Variants in RABGGTB observed in about 807,000 individuals in gnomAD.
RABGGTB encodes geranylgeranyl transferase type-2 subunit beta.
In RABGGTB, 20 loss-of-function variants were observed where a neutral mutation model predicts 44.5. That is an observed-to-expected ratio of 0.45 (90% CI 0.32 to 0.65). RABGGTB has a LOEUF of 0.65. RABGGTB is among the 30% of genes least tolerant of loss of function. The pLI, the probability that RABGGTB is intolerant of heterozygous loss-of-function variation, is 0.05. For synonymous variants in RABGGTB, 128 were observed against 136.7 expected, an observed-to-expected ratio of 0.94 and a Z score of 0.44; for missense variants, 302 against 398.7, an observed-to-expected ratio of 0.76 and a Z score of 2.06.
At chr1:75,790,089 A>G (rs1649609485) in intron 4 of RABGGTB, 32 bp downstream of exon 4, 4 of 1,607,840 alleles carry the variant, frequency 2.5e-6, no homozygotes, top group Non-Finnish European at 2.5e-6. Flanking sequence ...TCTACCCAAA[A>G]TACCAATATT....
intron 2 of RABGGTB, 102 bp downstream of exon 2, chr1:75,787,706 G>A: frequency 1.1e-6 from 1 of 904,904 alleles, no homozygotes; most frequent in African/African-American, 1.7e-5. Flanking sequence ...CCAACTCCAT[G>A]CAGAGAACTG....
Position 75,791,316 on chromosome 1 carries a change from G to A in RABGGTB, c.447G>A (p.Ala149=), listed in dbSNP as rs754028920. ...TTGACACAAGATTCTCTTTTTGTGC[G>A]GTGGCAACTTTGGCTTTGTTGGTAA... ...GEIDTRFSFC[A]VATLALLGKL... is the part of the protein sequence containing the mutation. The change falls in exon 5 of 9, where the codon GCG becomes GCA. Residue 149 remains alanine, a synonymous_variant. Transcript: ENST00000319942. 18 of 1,610,598 alleles carry A rather than the reference G, an allele frequency of 1.1e-5. No individual in the cohort carries two copies. The highest frequency in any genetic ancestry group is 4.4e-5 in the South Asian group (4 of 91,004).
chr1:75,792,128 C>CTT, intron 6 of RABGGTB, 53 bp from the exon 7 acceptor site: 2 of 1,495,000 alleles, frequency 1.3e-6, no homozygotes, highest in South Asian at 2.4e-5. Context: ...AGTTTTATCA[C>CTT]TTTTAATGTC....
At position 75,794,139 on chromosome 1, in the gene RABGGTB, G is replaced by A; in HGVS notation, c.761G>A (p.Arg254Lys). 6.2e-7 allele frequency: 1 copy of A among 1,613,862 alleles called. No homozygotes were observed. Among genetic ancestry groups the A allele is most frequent in the Non-Finnish European group, 8.5e-7 (1 of 1,179,814 alleles). ...WVLASLKIIGRLHWIDREKLR... is the reference protein window; with the variant it reads ...WVLASLKIIGKLHWIDREKLR... ...CTGGCTTCCCTAAAGATAATTGGAAGACTTCATTGGATTGATAGAGAGAAA... is the reference window on the plus strand; with the variant it reads ...CTGGCTTCCCTAAAGATAATTGGAAAACTTCATTGGATTGATAGAGAGAAA... The change falls in exon 8 of 9, where the codon AGA becomes AAA. Residue 254 changes from arginine to lysine, a missense_variant. Around this residue, in one of 2 missense-constraint regions of RABGGTB, gnomAD observed 213 missense variants for 323.7 expected, o/e 0.66. Coordinates refer to ENST00000319942, the MANE Select transcript of RABGGTB (RefSeq NM_004582.4).
chr1:75,789,421 G>C, intron 3 of RABGGTB, 65 bp downstream of exon 3: 1 of 1,510,858 alleles, frequency 6.6e-7, no homozygotes, highest in South Asian at 1.1e-5. Flanking sequence ...GTTGGAAATT[G>C]AAACTGTATC....
At chr1:75,793,755 G>T (rs2100490655) in intron 7 of RABGGTB, 1 of 211,084 alleles carries the variant, frequency 4.7e-6, no homozygotes, top group Non-Finnish European at 9.3e-6. Context: ...TGATTATACT[G>T]CTAGCTTCTT....
intron 8 of RABGGTB, 112 bp from the exon 9 acceptor site, chr1:75,794,398 T>G: frequency 7.5e-7 from 1 of 1,325,792 alleles, no homozygotes. Context: ...TACAGAAATT[T>G]CTTGTCGCTT....
chr1:75,787,137 T>TA (rs781680134), intron 1 of RABGGTB: 7 of 553,950 alleles, frequency 1.3e-5, no homozygotes, highest in Non-Finnish European at 2.5e-5. Flanking sequence ...GCTCTAGAAT[T>TA]ACTCTGAGAC....
chr1:75,791,471 A>G lies in RABGGTB; in HGVS notation c.479A>G (p.Asp160Gly). The change falls in exon 6 of 9, where the codon GAT becomes GGT. Residue 160 changes from aspartate to glycine, a missense_variant. Asp to Gly is a moderately conservative substitution (Grantham distance 94, BLOSUM62 -1). Coordinates refer to ENST00000319942, the MANE Select transcript of RABGGTB (RefSeq NM_004582.4). ...VATLALLGKL[D>G]AINVEKAIEF... is the part of the protein sequence containing the mutation. ...TTTTTTTGTTTGTAGGGGAAGCTTG[A>G]TGCTATTAATGTGGAAAAGGCAATC... 1 of 1,611,294 alleles carries G rather than the reference A, an allele frequency of 6.2e-7. No individual in the cohort carries two copies. Among genetic ancestry groups the G allele is most frequent in the Non-Finnish European group, 8.5e-7 (1 of 1,179,336 alleles).
chr1:75,786,786 C>T (rs1236986486), intron 1 of RABGGTB: 1 of 296,462 alleles, frequency 3.4e-6, no homozygotes, highest in African/African-American at 2.3e-5. Context: ...AATACAGAGA[C>T]TCGGATTAAA....
At position 75,787,546 on chromosome 1, in the gene RABGGTB, T is replaced by A. The variant is rs1237172537; in HGVS notation, c.53T>A (p.Leu18Ter). The A allele has an allele frequency of 6.2e-7, 1 of 1,614,006 alleles. No homozygotes were observed. Among genetic ancestry groups the A allele is most frequent in the Admixed American group, 1.7e-5 (1 of 60,000 alleles). The change falls in exon 2 of 9, where the codon TTG (leucine) becomes TAG (stop). Residue 18 changes from leucine to a stop codon, truncating the protein, a stop_gained. Coordinates refer to ENST00000319942, the MANE Select transcript of RABGGTB (RefSeq NM_004582.4). LOFTEE classifies it high-confidence loss of function. ...ATCAAGTCAGATGCACCGGACACTT[T>A]GTTATTGGAGAAACATGCAGATTAT... ...VIIKSDAPDT[L>*]LLEKHADYIA... is the part of the protein sequence containing the mutation.
intron 8 of RABGGTB, 33 bp from the exon 9 acceptor site, chr1:75,794,477 T>C: frequency 6.3e-7 from 1 of 1,575,448 alleles, no homozygotes; most frequent in South Asian, 1.2e-5. Flanking sequence ...AGTTTTCATT[T>C]TGTGATCTGT....
chr1:75,793,976 C>A, intron 7 of RABGGTB, 108 bp from the exon 8 acceptor site: 3 of 1,149,232 alleles, frequency 2.6e-6, no homozygotes, highest in Non-Finnish European at 3.6e-6. Context: ...TGGTTTGACA[C>A]TTTGAACATC....
Position 75,792,267 on chromosome 1 carries a change from A to G in RABGGTB, c.666A>G (p.Arg222=), listed in dbSNP as rs771648018. The G allele has an allele frequency of 2.5e-6, 4 of 1,613,988 alleles. No homozygotes were observed. The highest frequency in any genetic ancestry group is 1.3e-5 in the African/African-American group (1 of 74,926). Residue 222 remains arginine (R), a synonymous_variant, in exon 7 of 9, where the codon CGA becomes CGG. Transcript: ENST00000319942. ...TACTTGGCTGGTGGCTTTGTGAACG[A>G]CAATTACCCTCAGGCGGGCTCAATG... ...SDLLGWWLCE[R]QLPSGGLNGR...
At position 75,789,330 on chromosome 1, in the gene RABGGTB, CT is replaced by C; in HGVS notation, c.287del (p.Leu96TyrfsTer21). On this transcript the variant is annotated frameshift_variant, in exon 3 of 9. Coordinates refer to ENST00000319942, the MANE Select transcript of RABGGTB (RefSeq NM_004582.4). LOFTEE classifies it high-confidence loss of function. ...ISASIGHDPH[L>X]LYTLSAVQIL... ...TGCTAGTATCGGACATGATCCTCAT[CT>C]TTTATACACTCTTAGTGCTGTCCAG... The C allele has an allele frequency of 6.2e-7, 1 of 1,614,052 alleles. No individual in the cohort carries two copies. The highest frequency in any genetic ancestry group is 8.5e-7 in the Non-Finnish European group (1 of 1,179,966).
intron 4 of RABGGTB, 95 bp downstream of exon 4, chr1:75,790,152 G>T (rs1264408442): frequency 6.4e-7 from 1 of 1,558,588 alleles, no homozygotes. Flanking sequence ...ATCTTTTCAG[G>T]TCCCACTAAG....
At chr1:75,794,339 GTTTTT>G (rs200600135) in intron 8 of RABGGTB, 106 bp downstream of exon 8, 1 of 1,355,878 alleles carries the variant, frequency 7.4e-7, no homozygotes, top group African/African-American at 1.5e-5. Flanking sequence ...TTTGAAAGCA[GTTTTT>G]TTTTCTATTT....
intron 3 of RABGGTB, 117 bp from the exon 4 acceptor site, chr1:75,789,835 A>C: frequency 1.4e-6 from 1 of 724,384 alleles, no homozygotes; most frequent in Non-Finnish European, 2.3e-6. Flanking sequence ...CATATTTGAG[A>C]AAAGGTTATA....
intron 4 of RABGGTB, 97 bp from the exon 5 acceptor site, chr1:75,791,188 A>C: frequency 9.5e-7 from 1 of 1,054,176 alleles, no homozygotes; most frequent in Non-Finnish European, 1.5e-6. Flanking sequence ...GTTAAGCTTG[A>C]ACTCAATTTA....
Sources: allele counts gnomAD v4.1 joint callset, GRCh38; gene constraint gnomAD v4.1.1; regional missense constraint gnomAD v4.1.1; transcripts MANE v1.5; gene names NCBI Gene and HGNC (gene_info 2026-07-23, HGNC 2026-07-21).